Variants in UGT1A7 observed in about 807,000 individuals in gnomAD.
The protein encoded by UGT1A7 is UDP-glucuronosyltransferase 1A7.
UGT1A7 carries 33 observed loss-of-function variants against 45.6 expected under a neutral mutation model. The ratio of observed to expected loss-of-function variants is 0.72; its 90% CI spans 0.55 to 0.97. The LOEUF (loss-of-function observed/expected upper bound fraction) is 0.97, where lower values mean the gene tolerates loss of function less well. Among genes scored for constraint, UGT1A7 ranks in the 50% least tolerant of loss-of-function variants. The probability of loss-of-function intolerance (pLI) is 0.00; values close to 1 mark genes in which losing one functional copy is unlikely to be tolerated. For missense variants in UGT1A7, 684 were observed against 666.2 expected, an observed-to-expected ratio of 1.03 and a Z score of -0.29; for synonymous variants, 274 against 250.6, an observed-to-expected ratio of 1.09 and a Z score of -0.88.
intron 1 of UGT1A7, among the ~76,000 whole-genome samples, chr2:233,741,066 G>A (rs923933270): frequency 3.3e-5 from 5 of 151,838 alleles, no homozygotes; most frequent in Non-Finnish European, 7.3e-5. Context: ...GCTACAGAGC[G>A]AGACCCTGTC....
intron 1 of UGT1A7, among the ~76,000 whole-genome samples, chr2:233,764,487 A>G (rs115581914): frequency 4.6e-5 from 7 of 152,316 alleles, no homozygotes; most frequent in African/African-American, 1.4e-4. Context: ...TCGAATGTTT[A>G]TGGACCTGTG....
At chr2:233,713,139 GACCTCCATGCGAGAGGCC>G in intron 1 of UGT1A7, 2 of 1,614,230 alleles carry the variant, frequency 1.2e-6, no homozygotes, top group Non-Finnish European at 1.7e-6. Context: ...GGCCTTGCGG[GACCTCCATGCGAGAGGCC>G]ACCAGGTGGT....
chr2:233,749,702 A>C lies in UGT1A7; in HGVS notation c.856-17332A>C, dbSNP rs7556792. On this transcript the variant is annotated intron_variant, in intron 1 of 4. Coordinates refer to ENST00000373426, the MANE Select transcript of UGT1A7 (RefSeq NM_019077.3). ...CAAGGACAGGATCTGGTGGGAGGTG[A>C]TTGGATCATGGGGGCAGTTTCGCAC... 9.0e-3 allele frequency among the ~76,000 whole-genome samples: 1,371 copies of C among 151,808 alleles called. 51 individuals carry two copies. The highest frequency in any genetic ancestry group is 0.032 in the African/African-American group (1,324 of 41,154).
intron 1 of UGT1A7, among the ~76,000 whole-genome samples, chr2:233,749,142 T>G (rs1432365652): frequency 6.6e-6 from 1 of 151,878 alleles, no homozygotes; most frequent in Non-Finnish European, 1.5e-5. Flanking sequence ...GCATATGAAC[T>G]TCCATGACTT....
intron 1 of UGT1A7, among the ~76,000 whole-genome samples, chr2:233,695,025 T>A (rs371221092): frequency 5.5e-4 from 84 of 152,350 alleles, no homozygotes; most frequent in African/African-American, 2.0e-3. Context: ...TGAACTGCAG[T>A]ATACATTCTT....
intron 1 of UGT1A7, among the ~76,000 whole-genome samples, chr2:233,704,007 C>G (rs915075630): frequency 6.6e-6 from 1 of 152,048 alleles, no homozygotes; most frequent in Non-Finnish European, 1.5e-5. Flanking sequence ...TCTCCCACCT[C>G]AGCCGCCCGA....
chr2:233,718,979 C>T (rs143900667), intron 1 of UGT1A7: 39 of 1,614,108 alleles, frequency 2.4e-5, no homozygotes, highest in Non-Finnish European at 3.2e-5. Flanking sequence ...AGCTCCATGC[C>T]AGAGGCCACC....
chr2:233,688,101 CCTT>C (rs1188929741), intron 1 of UGT1A7, among the ~76,000 whole-genome samples: 2 of 152,190 alleles, frequency 1.3e-5, no homozygotes, highest in Admixed American at 6.5e-5. Context: ...TATTTCTCCC[CCTT>C]CTTCTACCCC....
At chr2:233,684,933 T>C (rs558186766) in intron 1 of UGT1A7, among the ~76,000 whole-genome samples, 2 of 148,394 alleles carry the variant, frequency 1.3e-5, no homozygotes, top group East Asian at 3.9e-4. Context: ...ACAGGATTCA[T>C]AGTCTGCATT....
chr2:233,704,856 G>A (rs375142414), intron 1 of UGT1A7, among the ~76,000 whole-genome samples: 6 of 151,976 alleles, frequency 3.9e-5, no homozygotes, highest in East Asian at 1.9e-4. Context: ...GAATAGGGCC[G>A]GGCACGGTGG....
At chr2:233,713,798 C>T in intron 1 of UGT1A7, 1 of 1,614,086 alleles carries the variant, frequency 6.2e-7, no homozygotes, top group Non-Finnish European at 8.5e-7. Flanking sequence ...CCAGGCCGAT[C>T]ATGCCCAACA....
chr2:233,690,781 AC>A (rs1264855580), intron 1 of UGT1A7: 128 of 621,102 alleles, frequency 2.1e-4, no homozygotes, highest in Non-Finnish European at 2.5e-4. Flanking sequence ...ACACATACAC[AC>A]ACACACACAC....
Position 233,681,993 on chromosome 2 carries a change from C to G in UGT1A7, c.56C>G (p.Thr19Ser). 6.2e-7 allele frequency: 1 copy of G among 1,614,172 alleles called. No homozygotes were observed. The highest frequency in any genetic ancestry group is 2.2e-5 in the East Asian group (1 of 44,896). ...LLPLYVCLLL[T>S]CGFAKAGKLL... ...CCCCTATATGTGTGTCTACTGCTGA[C>G]CTGTGGCTTTGCCAAGGCAGGGAAG... Residue 19 changes from threonine to serine, a missense_variant, in exon 1 of 5, where the codon ACC (threonine) becomes AGC (serine). Transcript: ENST00000373426.
At chr2:233,706,339 C>T (rs1257553427) in intron 1 of UGT1A7, among the ~76,000 whole-genome samples, 2 of 152,090 alleles carry the variant, frequency 1.3e-5, no homozygotes, top group Admixed American at 6.5e-5. Context: ...AGCTGGTGAC[C>T]CTGAAAAAAC....
chr2:233,746,849 C>A (rs1171057380), intron 1 of UGT1A7, among the ~76,000 whole-genome samples: 1 of 151,698 alleles, frequency 6.6e-6, no homozygotes, highest in African/African-American at 2.4e-5. Flanking sequence ...CCTCTCAGAC[C>A]TCAGCTGCAG....
At chr2:233,767,790 T>C in intron 2 of UGT1A7, 59 bp from the exon 3 acceptor site, 1 of 1,614,008 alleles carries the variant, frequency 6.2e-7, no homozygotes, top group Non-Finnish European at 8.5e-7. Flanking sequence ...GTATAGCAGA[T>C]TTGTTTTCTA....
chr2:233,719,660 C>G, intron 1 of UGT1A7: 1 of 1,614,116 alleles, frequency 6.2e-7, no homozygotes, highest in Non-Finnish European at 8.5e-7. Flanking sequence ...GGGGCATCAA[C>G]TGTGCCAACG....
chr2:233,724,349 A>G (rs1243720800), intron 1 of UGT1A7, among the ~76,000 whole-genome samples: 1 of 126,480 alleles, frequency 7.9e-6, no homozygotes, highest in Admixed American at 7.8e-5. Flanking sequence ...GACCCCCCCC[A>G]CCTCCCTCCC....
chr2:233,730,318 A>G (rs972603934), intron 1 of UGT1A7, among the ~76,000 whole-genome samples: 3 of 152,210 alleles, frequency 2.0e-5, no homozygotes, highest in African/African-American at 7.2e-5. Flanking sequence ...TGGCAGGAAC[A>G]GGGACACTAC....
Sources: gnomAD v4.1 joint callset for allele counts (sites outside exome capture counted in the v4.1 genomes callset) on GRCh38, gnomAD v4.1.1 for gene constraint, MANE v1.5 for transcripts, NCBI Gene and HGNC (gene_info 2026-07-23, HGNC 2026-07-21) for gene names.